The following ZNF821 variants were observed in gnomAD, a reference collection of about 807,000 sequenced individuals.
ZNF821 encodes zinc finger protein 821.
In ZNF821, 16 loss-of-function variants were observed where a neutral mutation model predicts 44.3. The observed-to-expected ratio is 0.36, with a 90% CI of 0.24 to 0.55. The LOEUF (loss-of-function observed/expected upper bound fraction) is 0.55. Ranked by LOEUF, ZNF821 falls within the 20% of genes least tolerant of loss-of-function variation. ZNF821 has a pLI of 0.86. For synonymous variants in ZNF821, 204 were observed against 197.6 expected (o/e 1.03, Z -0.27); for missense variants, 436 against 547.6 (o/e 0.80, Z 2.03).
upstream of ZNF821, among the ~76,000 whole-genome samples, chr16:71,888,771 A>T (rs927031338): frequency 6.6e-6 from 1 of 152,234 alleles, no homozygotes; most frequent in African/African-American, 2.4e-5. Context: ...GGAAAAATTA[A>T]GTTTTCTAGA....
exon 1 of ZNF821, chr16:71,894,916 A>T: frequency 8.3e-7 from 1 of 1,207,434 alleles, no homozygotes; most frequent in Non-Finnish European, 1.2e-6. Context: ...ATCGCCAGAG[A>T]CTGTGGTGCT....
Position 71,867,933 on chromosome 16 carries a change from TTAG to T in ZNF821, c.142_144del (p.Leu48del), listed in dbSNP as rs1310495617. Reference sequence around the variant, plus strand: ...TCACTGCTACTGGAGTCCTGATCTCTTAGTTGTTGGATAGCTTGTCGCTGACTG... The same window carrying T: ...TCACTGCTACTGGAGTCCTGATCTCTTTGTTGGATAGCTTGTCGCTGACTG... On this transcript the variant is annotated inframe_deletion, in exon 4 of 8. Transcript: ENST00000425432. The T allele has an allele frequency of 6.5e-7, 1 of 1,535,856 alleles. No individual in the cohort carries two copies. The highest frequency in any genetic ancestry group is 1.4e-5 in the African/African-American group (1 of 73,050).
Position 71,860,505 on chromosome 16 carries a change from T to C in ZNF821, c.752A>G (p.Gln251Arg), listed in dbSNP as rs750401990. 6.2e-7 allele frequency: 1 copy of C among 1,614,188 alleles called. No individual in the cohort carries two copies. Among genetic ancestry groups the C allele is most frequent in the Non-Finnish European group, 8.5e-7 (1 of 1,180,024 alleles). The change falls in exon 8 of 8, where the codon CAG (glutamine) becomes CGG (arginine). Residue 251 changes from glutamine (Q) to arginine (R), a missense_variant. Physicochemically the swap from Gln to Arg is conservative, Grantham distance 43. Around this residue, in one of 5 missense-constraint regions of ZNF821, gnomAD observed 68 missense variants for 57.0 expected, o/e 1.19. Coordinates refer to ENST00000425432, the MANE Select transcript of ZNF821 (RefSeq NM_001201552.2). The surrounding 1 kb of genome is among the most constrained non-coding windows in gnomAD (Gnocchi z 7.3). ...AGCCCACTTGCGTACACTGGGAGTC[T>C]GGGCTTCCAGCAGTTTACGGTAGGC... is the stretch of plus-strand genomic sequence containing the variant. ...CAAYRKLLEA[Q>R]TPSVRKWALR...
chr16:71,862,031 T>G (rs1157444805), intron 6 of ZNF821, 89 bp from the exon 7 acceptor site: 68 of 1,465,840 alleles, frequency 4.6e-5, no homozygotes, highest in Non-Finnish European at 6.4e-5. Context: ...AAATGTCCCC[T>G]TTCTTTAGTC....
intron 3 of ZNF821, among the ~76,000 whole-genome samples, chr16:71,874,522 C>T (rs1269938436): frequency 9.2e-5 from 14 of 151,952 alleles, no homozygotes; most frequent in Admixed American, 2.6e-4. Context: ...GGCGTGATCT[C>T]GGCTCACTGC....
At chr16:71,870,518 G>T (rs1597156793) in intron 3 of ZNF821, among the ~76,000 whole-genome samples, 2 of 143,866 alleles carry the variant, frequency 1.4e-5, no homozygotes, top group African/African-American at 5.1e-5. Context: ...TGAGACAAGA[G>T]TCTCAGGCTG....
intron 1 of ZNF821, among the ~76,000 whole-genome samples, chr16:71,892,691 C>A (rs2036895415): frequency 6.6e-6 from 1 of 151,146 alleles, no homozygotes; most frequent in South Asian, 2.1e-4. Context: ...CTTGCCTCTG[C>A]CTCCGAATTA....
chr16:71,894,823 T>G, intron 1 of ZNF821: 1 of 1,534,150 alleles, frequency 6.5e-7, no homozygotes, highest in South Asian at 1.2e-5. Context: ...CTTCCAGGCT[T>G]AAGCAGCGAT....
intron 3 of ZNF821, among the ~76,000 whole-genome samples, chr16:71,878,183 T>G (rs1353111557): frequency 6.7e-6 from 1 of 150,174 alleles, no homozygotes; most frequent in Non-Finnish European, 1.5e-5. Flanking sequence ...CTTGGCTCAC[T>G]GCAACCTCCA....
chr16:71,864,732 G>C, intron 5 of ZNF821, 171 bp downstream of exon 5: 1 of 742,600 alleles, frequency 1.3e-6, no homozygotes. Flanking sequence ...ACTGAGTGTG[G>C]CGAGAACTGA....
At chr16:71,867,798 T>G in intron 4 of ZNF821, 114 bp downstream of exon 4, 1 of 1,372,348 alleles carries the variant, frequency 7.3e-7, no homozygotes, top group South Asian at 1.5e-5. Context: ...AGGATCCACA[T>G]ATCTCCTTTT....
chr16:71,890,724 A>G (rs1045948229), intron 1 of ZNF821: 1 of 149,258 alleles, frequency 6.7e-6, no homozygotes, highest in African/African-American at 2.5e-5. Context: ...TGTGGGCAAC[A>G]TAAAGTCACT....
rs2033756249 is a variant in ZNF821, at chr16:71,860,719, G to A, written c.585-47C>T. On this transcript the variant is annotated intron_variant, in intron 7 of 7. Transcript: ENST00000425432. The surrounding 1 kb of genome is among the most constrained non-coding windows in gnomAD (Gnocchi z 7.3). ...TGGTTAGTGTTTCCTTCTAGCAAGA[G>A]TCGGGACTCCAGCCCTGCCTTATTC... 2 of 1,577,128 alleles carry A rather than the reference G, an allele frequency of 1.3e-6. No homozygotes were observed. The highest frequency in any genetic ancestry group is 1.7e-6 in the Non-Finnish European group (2 of 1,164,882).
At chr16:71,876,091 AG>A (rs1424265957) in intron 3 of ZNF821, among the ~76,000 whole-genome samples, 1 of 152,262 alleles carries the variant, frequency 6.6e-6, no homozygotes, top group African/African-American at 2.4e-5. Context: ...GCTCTTGGAC[AG>A]ATGGCTTTTG....
At chr16:71,883,176 A>T (rs995012932) in intron 2 of ZNF821, 35 bp downstream of exon 2, 3 of 456,512 alleles carry the variant, frequency 6.6e-6, no homozygotes, top group Admixed American at 4.7e-5. Flanking sequence ...AAACGAGTGA[A>T]ATCTCAGCTT....
At chr16:71,878,651 C>T (rs1391805909) in intron 3 of ZNF821, among the ~76,000 whole-genome samples, 1 of 152,028 alleles carries the variant, frequency 6.6e-6, no homozygotes, top group Non-Finnish European at 1.5e-5. Flanking sequence ...AAATATGCAA[C>T]AGGTGCGGTG....
chr16:71,875,790 G>C (rs527740423), intron 3 of ZNF821, among the ~76,000 whole-genome samples: 1 of 152,078 alleles, frequency 6.6e-6, no homozygotes. Flanking sequence ...GTAGAGACAG[G>C]GTTTCACCAT....
intron 1 of ZNF821, chr16:71,890,571 GA>G (rs1215345786): frequency 6.6e-6 from 1 of 151,450 alleles, no homozygotes; most frequent in African/African-American, 2.4e-5. Context: ...ATTTTTAATA[GA>G]GACAGATTTT....
At chr16:71,890,625 G>C (rs1192230137) in intron 1 of ZNF821, 1 of 151,870 alleles carries the variant, frequency 6.6e-6, no homozygotes, top group Non-Finnish European at 1.5e-5. Context: ...GACCTCAAGT[G>C]ATCCCCCTGC....
Sources: allele counts gnomAD v4.1 joint callset (sites outside exome capture counted in the v4.1 genomes callset), GRCh38; gene constraint gnomAD v4.1.1; regional missense constraint gnomAD v4.1.1; non-coding constraint Gnocchi (gnomAD v3.1); transcripts MANE v1.5; gene names NCBI Gene and HGNC (gene_info 2026-07-23, HGNC 2026-07-21).